The following LOXHD1 variants were observed in gnomAD, a reference collection of about 807,000 sequenced individuals.
LOXHD1 encodes lipoxygenase homology domain-containing protein 1.
Under a neutral mutation model 248.2 loss-of-function variants are expected in LOXHD1, and 205 were observed. The ratio of observed to expected loss-of-function variants is 0.83; its 90% confidence interval spans 0.74 to 0.93. LOXHD1 has a LOEUF of 0.93. Among genes scored for constraint, LOXHD1 ranks in the 40% least tolerant of loss-of-function variants. The pLI is 0.00. For synonymous variants in LOXHD1, 1,113 were observed against 1,162.8 expected, an observed-to-expected ratio of 0.96 and a Z score of 0.87; for missense variants, 2,930 against 2,971.6, an observed-to-expected ratio of 0.99 and a Z score of 0.33.
chr18:46,594,371 C>G lies in LOXHD1; in HGVS notation c.1230G>C (p.Gln410His). The change falls in exon 9 of 41, where the codon CAG becomes CAC. Residue 410 changes from glutamine to histidine, a missense_variant. By Grantham distance (24) the Gln-to-His change is conservative. Transcript: ENST00000642948. ...EKKADGLIER[Q>H]LYEMVSLRKK... ...TCCTGAGAGACACCATCTCATAGAG[C>G]TGCCTCTCAATCAACCCATCCGCTT... 6.4e-7 allele frequency: 1 copy of G among 1,551,688 alleles called. No individual in the cohort carries two copies. Among genetic ancestry groups the G allele is most frequent in the Non-Finnish European group, 8.7e-7 (1 of 1,146,980 alleles).
At chr18:46,496,018 T>A (rs2033842577) in intron 37 of LOXHD1, among the ~76,000 whole-genome samples, 1 of 151,990 alleles carries the variant, frequency 6.6e-6, no homozygotes, top group Non-Finnish European at 1.5e-5. Context: ...GGTGACAGAG[T>A]GAAACTCCAT....
At chr18:46,578,029 C>A (rs2037893063) in intron 13 of LOXHD1, among the ~76,000 whole-genome samples, 162 bp from the exon 14 acceptor site, 1 of 152,190 alleles carries the variant, frequency 6.6e-6, no homozygotes, top group Non-Finnish European at 1.5e-5. Flanking sequence ...ACAGCTCACA[C>A]CCACCCCCAA....
intron 4 of LOXHD1, among the ~76,000 whole-genome samples, chr18:46,639,085 T>A (rs926903610): frequency 1.3e-5 from 2 of 152,150 alleles, no homozygotes; most frequent in African/African-American, 4.8e-5. Context: ...ATTAAAATGA[T>A]CGAATTTAAG....
At chr18:46,532,825 T>A (rs1251759049) in intron 28 of LOXHD1, among the ~76,000 whole-genome samples, 1 of 152,152 alleles carries the variant, frequency 6.6e-6, no homozygotes, top group African/African-American at 2.4e-5. Context: ...AGCAAATAAA[T>A]GAATAGTAGG....
chr18:46,500,315 C>T (rs910603207), intron 37 of LOXHD1, among the ~76,000 whole-genome samples: 13 of 152,084 alleles, frequency 8.5e-5, no homozygotes, highest in African/African-American at 3.1e-4. Flanking sequence ...AGGTCCAGAC[C>T]CCACTGTTAC....
At chr18:46,531,252 C>T (rs1017098740) in intron 28 of LOXHD1, among the ~76,000 whole-genome samples, 6 of 152,166 alleles carry the variant, frequency 3.9e-5, no homozygotes, top group Non-Finnish European at 1.5e-5. Context: ...CCCCACTCAG[C>T]TCAGTGCAAA....
At chr18:46,516,724 A>G (rs1164753079) in intron 34 of LOXHD1, among the ~76,000 whole-genome samples, 3 of 151,868 alleles carry the variant, frequency 2.0e-5, no homozygotes, top group African/African-American at 7.3e-5. Flanking sequence ...CCTCATCATC[A>G]TAATCACCAT....
chr18:46,617,956 C>A (rs2038613020), intron 5 of LOXHD1, among the ~76,000 whole-genome samples: 1 of 152,116 alleles, frequency 6.6e-6, no homozygotes, highest in Non-Finnish European at 1.5e-5. Context: ...TGCAATCAAC[C>A]CACACACCAG....
chr18:46,559,374 A>T, intron 20 of LOXHD1, 74 bp downstream of exon 20: 1 of 1,550,692 alleles, frequency 6.4e-7, no homozygotes, highest in Non-Finnish European at 8.7e-7. Flanking sequence ...TTGTGCTGCG[A>T]TGGGCTGCCA....
At chr18:46,478,584 T>C (rs964812729) in intron 40 of LOXHD1, among the ~76,000 whole-genome samples, 4 of 152,250 alleles carry the variant, frequency 2.6e-5, no homozygotes, top group Admixed American at 2.6e-4. Flanking sequence ...AACCCTCCAG[T>C]GGCTTCCCAT....
At chr18:46,637,949 A>G (rs772964097) in intron 4 of LOXHD1, among the ~76,000 whole-genome samples, 8 of 152,330 alleles carry the variant, frequency 5.3e-5, no homozygotes, top group Middle Eastern at 6.8e-3. Flanking sequence ...ATTTAGGTGA[A>G]GTATTTATAA....
At chr18:46,495,703 AG>A (rs2033817888) in intron 37 of LOXHD1, among the ~76,000 whole-genome samples, 2 of 152,236 alleles carry the variant, frequency 1.3e-5, no homozygotes, top group Non-Finnish European at 2.9e-5. Context: ...TACAATATTA[AG>A]AAAATTTACA....
intron 8 of LOXHD1, among the ~76,000 whole-genome samples, chr18:46,596,200 G>T (rs1211386967): frequency 9.2e-6 from 1 of 108,600 alleles, no homozygotes; most frequent in Non-Finnish European, 2.1e-5. Flanking sequence ...TATTAAAAAT[G>T]TTTGCTTCTG....
In LOXHD1 at chr18:46,639,773, A is replaced by G. The variant is rs2038940010; in HGVS notation, c.354T>C (p.Asn118=). The G allele has an allele frequency of 6.4e-7, 1 of 1,551,734 alleles. No homozygotes were observed. ...TCACATGGTCCAGGTACCAGCTGGCATTCAAGCCCGTGTTGTCATGCTCAA... is the reference window on the plus strand; with the variant it reads ...TCACATGGTCCAGGTACCAGCTGGCGTTCAAGCCCGTGTTGTCATGCTCAA... ...VRIEHDNTGL[N]ASWYLDHVIV... Residue 118 remains asparagine, a synonymous_variant, in exon 4 of 41, where the codon AAT becomes AAC. Coordinates refer to ENST00000642948, the MANE Select transcript of LOXHD1 (RefSeq NM_001384474.1).
At chr18:46,620,810 G>C (rs762038894) in intron 4 of LOXHD1, among the ~76,000 whole-genome samples, 1 of 152,204 alleles carries the variant, frequency 6.6e-6, no homozygotes, top group Non-Finnish European at 1.5e-5. Context: ...GGGAAGCCAG[G>C]AGATCAAGGA....
chr18:46,502,218 A>G (rs1037975515), intron 37 of LOXHD1, among the ~76,000 whole-genome samples: 1 of 152,170 alleles, frequency 6.6e-6, no homozygotes, highest in Non-Finnish European at 1.5e-5. Flanking sequence ...CTTCTTCTCA[A>G]ATATATGAGC....
At chr18:46,526,498 CA>C (rs1477683007) in intron 29 of LOXHD1, among the ~76,000 whole-genome samples, 2 of 152,128 alleles carry the variant, frequency 1.3e-5, no homozygotes, top group African/African-American at 4.8e-5. Context: ...GGTGCATGTA[CA>C]TGTAAGCACA....
chr18:46,542,678 C>T (rs1341247672), intron 24 of LOXHD1, 49 bp downstream of exon 24: 1 of 1,545,894 alleles, frequency 6.5e-7, no homozygotes, highest in African/African-American at 1.4e-5. Flanking sequence ...AAGGACCTGT[C>T]CATGGTCCTT....
intron 21 of LOXHD1, among the ~76,000 whole-genome samples, chr18:46,549,748 G>T (rs1326085341): frequency 6.6e-6 from 1 of 152,152 alleles, no homozygotes; most frequent in Non-Finnish European, 1.5e-5. Flanking sequence ...CAACATATTT[G>T]CCACATGAAA....
Sources: gnomAD v4.1 joint callset for allele counts (sites outside exome capture counted in the v4.1 genomes callset) on GRCh38, gnomAD v4.1.1 for gene constraint, MANE v1.5 for transcripts, NCBI Gene and HGNC (gene_info 2026-07-23, HGNC 2026-07-21) for gene names.